KCNN2: variants seen among roughly 807,000 people sequenced by gnomAD.
KCNN2 encodes the protein small conductance calcium-activated potassium channel protein 2.
A neutral mutation model predicts 55.5 loss-of-function variants in KCNN2; 24 were observed. The ratio of observed to expected loss-of-function variants is 0.43; its 90% CI spans 0.31 to 0.61. The LOEUF is 0.61. Among genes scored for constraint, KCNN2 ranks in the 20% least tolerant of loss-of-function variants. KCNN2 has a pLI of 0.08. For synonymous variants in KCNN2, 431 were observed against 336.1 expected, an observed-to-expected ratio of 1.28 and a Z score of -3.09; for missense variants, 754 against 853.6, an observed-to-expected ratio of 0.88 and a Z score of 1.45.
intron 3 of KCNN2, among the ~76,000 whole-genome samples, chr5:114,414,494 A>G (rs1382642643): frequency 1.3e-5 from 2 of 152,080 alleles, no homozygotes; most frequent in African/African-American, 4.8e-5. Context: ...TAGTCTATGG[A>G]TGGTTCCTGA....
intron 3 of KCNN2, among the ~76,000 whole-genome samples, chr5:114,429,486 T>A (rs1263497308): frequency 6.6e-6 from 1 of 152,114 alleles, no homozygotes; most frequent in African/African-American, 2.4e-5. Flanking sequence ...TTGCCCATTT[T>A]CTAAATCGGG....
At chr5:114,111,115 C>A (rs1448752151) in intron 1 of KCNN2, among the ~76,000 whole-genome samples, 1 of 152,090 alleles carries the variant, frequency 6.6e-6, no homozygotes, top group Non-Finnish European at 1.5e-5. Flanking sequence ...CAGCATGGTA[C>A]TGTTACCAAA....
chr5:114,155,772 G>A lies in KCNN2; in HGVS notation c.-270-65708G>A, dbSNP rs1015248444. Among the ~76,000 whole-genome samples, 3 of 152,232 alleles carry A rather than the reference G, an allele frequency of 2.0e-5. No individual in the cohort carries two copies. The East Asian group carries it at 5.8e-4, about 29-fold the overall frequency. On this transcript the variant is annotated intron_variant, in intron 1 of 10. Transcript: ENST00000512097. ...TTTGTTTAAGTTCCTTTGAGATGCT[G>A]GATATTAGACCTTTGTCAGATGCAT...
chr5:114,419,407 G>A (rs1298395097), intron 3 of KCNN2, among the ~76,000 whole-genome samples: 1 of 152,160 alleles, frequency 6.6e-6, no homozygotes, highest in Non-Finnish European at 1.5e-5. Flanking sequence ...TGTCAAATTT[G>A]TTTTAAGCAC....
At chr5:114,225,335 C>T (rs184731861) in intron 2 of KCNN2, among the ~76,000 whole-genome samples, 34 of 152,016 alleles carry the variant, frequency 2.2e-4, no homozygotes, top group African/African-American at 5.3e-4. Flanking sequence ...TTAAAAATGA[C>T]GGAAAATTTA....
intron 3 of KCNN2, among the ~76,000 whole-genome samples, chr5:114,449,812 G>GC (rs1760574544): frequency 6.6e-6 from 1 of 151,610 alleles, no homozygotes; most frequent in Non-Finnish European, 1.5e-5. Flanking sequence ...GGGGTGAAAT[G>GC]TACAGATGCT....
intron 1 of KCNN2, among the ~76,000 whole-genome samples, chr5:114,188,607 A>G (rs115595648): frequency 0.017 from 2,550 of 152,298 alleles, 75 homozygotes; most frequent in African/African-American, 0.059. Context: ...GACTAATAAA[A>G]AAATTCAGCA....
chr5:114,222,409 C>CA (rs1272222562), intron 2 of KCNN2, among the ~76,000 whole-genome samples: 11 of 152,224 alleles, frequency 7.2e-5, no homozygotes, highest in Non-Finnish European at 1.3e-4. Context: ...CAATGAATAT[C>CA]AAAAAATTGA....
intron 2 of KCNN2, among the ~76,000 whole-genome samples, chr5:114,259,026 G>T (rs573383145): frequency 6.6e-6 from 1 of 152,304 alleles, no homozygotes; most frequent in South Asian, 2.1e-4. Flanking sequence ...AGCCACTATG[G>T]TTGTGTCTAT....
chr5:114,217,094 A>T (rs576582124), intron 1 of KCNN2, among the ~76,000 whole-genome samples: 1 of 152,282 alleles, frequency 6.6e-6, no homozygotes, highest in East Asian at 1.9e-4. Context: ...CAAAACTTTG[A>T]TGAAAGAAAT....
intron 1 of KCNN2, among the ~76,000 whole-genome samples, chr5:114,141,809 T>G (rs1183591446): frequency 6.6e-6 from 1 of 152,212 alleles, no homozygotes; most frequent in Non-Finnish European, 1.5e-5. Context: ...CCTGACTTTT[T>G]AATGATCGCC....
At chr5:114,229,501 T>C (rs1324205403) in intron 2 of KCNN2, among the ~76,000 whole-genome samples, 5 of 152,008 alleles carry the variant, frequency 3.3e-5, no homozygotes, top group Non-Finnish European at 5.9e-5. Flanking sequence ...GTGTGAAAAT[T>C]CTAAAAGTTT....
At chr5:114,350,882 C>A (rs1441215336) in intron 2 of KCNN2, among the ~76,000 whole-genome samples, 1 of 151,814 alleles carries the variant, frequency 6.6e-6, no homozygotes, top group African/African-American at 2.4e-5. Flanking sequence ...TTCCACTCAA[C>A]AAGTGTGCAT....
At chr5:114,464,104 C>T (rs1458368056) in intron 4 of KCNN2, among the ~76,000 whole-genome samples, 3 of 152,098 alleles carry the variant, frequency 2.0e-5, no homozygotes, top group Non-Finnish European at 4.4e-5. Context: ...GCCTCATAGG[C>T]TCAGACATCT....
At chr5:114,074,324 G>GTA (rs1265034700) in intron 1 of KCNN2, among the ~76,000 whole-genome samples, 1 of 147,380 alleles carries the variant, frequency 6.8e-6, no homozygotes, top group African/African-American at 2.6e-5. Flanking sequence ...GTGTGTGTGT[G>GTA]TGTGTGCGCG....
At chr5:114,115,526 T>C (rs960693013) in intron 1 of KCNN2, among the ~76,000 whole-genome samples, 1 of 152,282 alleles carries the variant, frequency 6.6e-6, no homozygotes, top group Middle Eastern at 3.4e-3. Flanking sequence ...TAAAAGAAGA[T>C]GACATGAATG....
At chr5:114,318,900 C>A (rs554843) in intron 2 of KCNN2, among the ~76,000 whole-genome samples, 79,077 of 151,816 alleles carry the variant, frequency 0.52, 22,329 homozygotes, top group East Asian at 0.9. Context: ...TGAACTATTT[C>A]AGTATTACAG....
intron 2 of KCNN2, among the ~76,000 whole-genome samples, chr5:114,368,237 C>G (rs1757662466): frequency 6.6e-6 from 1 of 152,112 alleles, no homozygotes; most frequent in African/African-American, 2.4e-5. Context: ...TGGAACTAAT[C>G]CCCTGTGGTT....
At chr5:114,056,076 G>C (rs1750199092) in exon 1 of KCNN2, 2 of 312,370 alleles carry the variant, frequency 6.4e-6, no homozygotes, top group African/African-American at 4.3e-5. Flanking sequence ...CCCAGTCCCG[G>C]CGGGGCGCCT....
Sources: allele counts gnomAD v4.1 joint callset (sites outside exome capture counted in the v4.1 genomes callset), GRCh38; gene constraint gnomAD v4.1.1; transcripts MANE v1.5; gene names NCBI Gene and HGNC (gene_info 2026-07-23, HGNC 2026-07-21).